The following TBX15 variants were observed in gnomAD, a reference collection of about 807,000 sequenced individuals.
TBX15 encodes the protein T-box transcription factor TBX15.
In TBX15, 18 loss-of-function variants were observed where a neutral mutation model predicts 53.9. The ratio of observed to expected loss-of-function variants is 0.33; its 90% CI spans 0.23 to 0.49. The LOEUF (loss-of-function observed/expected upper bound fraction) is 0.49. Among genes scored for constraint, TBX15 ranks in the 20% least tolerant of loss-of-function variants. The pLI is 0.98. For synonymous variants in TBX15, 295 were observed against 278.0 expected (o/e 1.06, Z -0.61); for missense variants, 692 against 749.5 (o/e 0.92, Z 0.90).
intron 1 of TBX15, among the ~76,000 whole-genome samples, chr1:118,939,407 C>CAAAAA (rs869094141): frequency 0.053 from 466 of 8,768 alleles, 74 homozygotes; most frequent in Non-Finnish European, 0.066. Context: ...GATCTAGTCT[C>CAAAAA]AAAAAAAAAA....
chr1:118,889,615 A>T (rs1416142), intron 7 of TBX15, among the ~76,000 whole-genome samples: 8,957 of 152,144 alleles, frequency 0.059, 868 homozygotes, highest in African/African-American at 0.21. Flanking sequence ...GGTCCAAAAA[A>T]CCCAGTTCCA....
chr1:118,951,671 G>A (rs1656517937), intron 1 of TBX15, among the ~76,000 whole-genome samples: 1 of 152,072 alleles, frequency 6.6e-6, no homozygotes, highest in South Asian at 2.1e-4. Flanking sequence ...ATTCCAAGTG[G>A]CAAAACCTAA....
intron 1 of TBX15, among the ~76,000 whole-genome samples, chr1:118,936,433 T>C (rs1655968617): frequency 6.6e-6 from 1 of 152,198 alleles, no homozygotes; most frequent in South Asian, 2.1e-4. Flanking sequence ...AAAGCACATT[T>C]ACTCCTGTGG....
chr1:118,972,742 G>C (rs1331484452), intron 1 of TBX15, among the ~76,000 whole-genome samples: 3 of 152,046 alleles, frequency 2.0e-5, no homozygotes, highest in African/African-American at 7.3e-5. Context: ...TGGGATTACG[G>C]GTGCCCACCA....
chr1:118,894,918 G>A (rs1258906566), intron 7 of TBX15, among the ~76,000 whole-genome samples: 2 of 152,066 alleles, frequency 1.3e-5, no homozygotes, highest in African/African-American at 2.4e-5. Context: ...AGCTAAAAAG[G>A]GAGTGCTTTA....
intron 6 of TBX15, among the ~76,000 whole-genome samples, chr1:118,907,380 T>C (rs1399158164): frequency 1.3e-5 from 2 of 152,166 alleles, no homozygotes; most frequent in Non-Finnish European, 2.9e-5. Context: ...ACCTTAATAA[T>C]CTCATTTTTA....
At chr1:118,922,833 CTG>C (rs1392791401) in intron 5 of TBX15, among the ~76,000 whole-genome samples, 1 of 152,158 alleles carries the variant, frequency 6.6e-6, no homozygotes, top group Non-Finnish European at 1.5e-5. Flanking sequence ...GTCTCTGTAA[CTG>C]ATCTCAATGA....
chr1:118,943,454 T>C (rs1656248901), intron 1 of TBX15, among the ~76,000 whole-genome samples: 3 of 152,176 alleles, frequency 2.0e-5, no homozygotes, highest in Admixed American at 2.0e-4. Flanking sequence ...TGAGTGGGTC[T>C]GCTTGAGTGA....
chr1:118,927,346 A>G (rs1241863506), intron 2 of TBX15, among the ~76,000 whole-genome samples: 1 of 152,086 alleles, frequency 6.6e-6, no homozygotes, highest in Non-Finnish European at 1.5e-5. Context: ...AGCAACTTAC[A>G]CTCTTCTTAT....
At chr1:118,887,879 A>C (rs2101439442) in intron 7 of TBX15, among the ~76,000 whole-genome samples, 1 of 152,326 alleles carries the variant, frequency 6.6e-6, no homozygotes, top group East Asian at 1.9e-4. Context: ...AGAAGTACAA[A>C]TTTGGCTGTT....
chr1:118,914,927 A>G (rs2101566754), intron 5 of TBX15, among the ~76,000 whole-genome samples: 1 of 152,294 alleles, frequency 6.6e-6, no homozygotes, highest in Non-Finnish European at 1.5e-5. Context: ...CAATTGTGTC[A>G]CCAGCTTGGT....
intron 7 of TBX15, among the ~76,000 whole-genome samples, chr1:118,888,841 T>C (rs998260870): frequency 6.6e-6 from 1 of 151,808 alleles, no homozygotes; most frequent in African/African-American, 2.4e-5. Context: ...CAACTCTAAA[T>C]GGTTTTCTCT....
Position 118,979,833 on chromosome 1 carries a change from C to CGGCGA in TBX15, c.205+7753_205+7757dup, listed in dbSNP as rs890781572. ...AACCCCGGGCGCACGCGGCGCGATG[C>CGGCGA]GGCGAGGCGAGGCGAGGCGGTGGGG... On this transcript the variant is annotated intron_variant, in intron 1 of 7. Coordinates refer to ENST00000369429, the MANE Select transcript of TBX15 (RefSeq NM_001330677.2). 2.9e-4 allele frequency among the ~76,000 whole-genome samples: 44 copies of CGGCGA among 152,256 alleles called. 1 individual carries two copies. Among genetic ancestry groups the CGGCGA allele is most frequent in the African/African-American group, 8.4e-4 (35 of 41,568 alleles).
chr1:118,980,754 T>C (rs2101053122), intron 1 of TBX15, among the ~76,000 whole-genome samples: 1 of 152,328 alleles, frequency 6.6e-6, no homozygotes, highest in Admixed American at 6.5e-5. Flanking sequence ...CCAAATTTAG[T>C]TGGAAAAGTT....
At chr1:118,890,113 T>C (rs1654087916) in intron 7 of TBX15, among the ~76,000 whole-genome samples, 1 of 152,176 alleles carries the variant, frequency 6.6e-6, no homozygotes, top group African/African-American at 2.4e-5. Context: ...TTGTTGTACA[T>C]GCTAGAGGAA....
At chr1:118,962,212 T>C (rs1190564060) in intron 1 of TBX15, among the ~76,000 whole-genome samples, 1 of 152,234 alleles carries the variant, frequency 6.6e-6, no homozygotes, top group Non-Finnish European at 1.5e-5. Flanking sequence ...AGACCAGCAC[T>C]GATAACATTT....
At chr1:118,924,024 T>C (rs1337433087) in intron 4 of TBX15, among the ~76,000 whole-genome samples, 6 of 152,216 alleles carry the variant, frequency 3.9e-5, no homozygotes, top group African/African-American at 1.4e-4. Flanking sequence ...CATTATTTTG[T>C]TATGTGAGAG....
intron 1 of TBX15, among the ~76,000 whole-genome samples, chr1:118,979,870 C>A (rs547660929): frequency 1.3e-5 from 2 of 152,276 alleles, no homozygotes; most frequent in East Asian, 3.9e-4. Flanking sequence ...CAGCGCGGAG[C>A]CCCAGGCGCG....
intron 7 of TBX15, among the ~76,000 whole-genome samples, chr1:118,896,339 G>A (rs1457009578): frequency 1.3e-5 from 2 of 152,050 alleles, no homozygotes; most frequent in Non-Finnish European, 2.9e-5. Context: ...TTAAATTTTT[G>A]CAAAACTGTG....
Sources: allele counts gnomAD v4.1 joint callset (sites outside exome capture counted in the v4.1 genomes callset), GRCh38; gene constraint gnomAD v4.1.1; transcripts MANE v1.5; gene names NCBI Gene and HGNC (gene_info 2026-07-23, HGNC 2026-07-21).